Variants in KCNQ1 observed in about 807,000 individuals in gnomAD.
KCNQ1 encodes the protein potassium voltage-gated channel subfamily Q member 1, also known as potassium voltage-gated channel subfamily KQT member 1.
KCNQ1 carries 49 observed loss-of-function variants against 72.4 expected under a neutral mutation model. That is an observed-to-expected ratio of 0.68 (90% CI 0.54 to 0.86). The LOEUF is 0.86. Among genes scored for constraint, KCNQ1 ranks in the 40% least tolerant of loss-of-function variants. The probability of loss-of-function intolerance (pLI) is 0.00; values close to 1 mark genes in which losing one functional copy is unlikely to be tolerated. For synonymous variants in KCNQ1, 450 were observed against 412.6 expected (o/e 1.09, Z -1.10); for missense variants, 790 against 945.1 (o/e 0.84, Z 2.15).
At position 2,627,892 on chromosome 11, in the gene KCNQ1, A is replaced by G; in HGVS notation, c.1394-34069A>G. The G allele has an allele frequency of 2.5e-6, 1 of 398,760 alleles. No individual in the cohort carries two copies. Among genetic ancestry groups the G allele is most frequent in the Non-Finnish European group, 4.4e-6 (1 of 226,200 alleles). 24.7% of individuals were successfully genotyped at this position (398,760 alleles called of 1,614,324 possible). On this transcript the variant is annotated intron_variant, in intron 10 of 15. Transcript: ENST00000155840. This position sits in a 1 kb window ranked among gnomAD's most constrained non-coding sequence, Gnocchi z 4.9. The stretch of plus-strand genomic sequence containing the variant: ...CAGCCTCCTGAGTAGCTGGGACCAC[A>G]GTCATGCACCCCCATGCCCAGCTAA...
At chr11:2,594,548 C>T (rs978150561) in intron 10 of KCNQ1, among the ~76,000 whole-genome samples, 42 of 152,160 alleles carry the variant, frequency 2.8e-4, no homozygotes, top group Admixed American at 1.3e-4. Context: ...TTCTATTTGA[C>T]CATCTCATTG....
Position 2,536,475 on chromosome 11 carries a change from C to CTGTG in KCNQ1, c.477+8458_477+8461dup, listed in dbSNP as rs1053984334. Among the ~76,000 whole-genome samples, 89 of 152,238 alleles carry CTGTG rather than the reference C, an allele frequency of 5.8e-4. 1 individual carries two copies. The highest frequency in any genetic ancestry group is 2.1e-3 in the African/African-American group (86 of 41,562). On this transcript the variant is annotated intron_variant, in intron 2 of 15. Coordinates refer to ENST00000155840, the MANE Select transcript of KCNQ1 (RefSeq NM_000218.3). This position sits in a 1 kb window ranked among gnomAD's most constrained non-coding sequence, Gnocchi z 7.4. Reference sequence around the variant, plus strand: ...TGGCAGGGCTCAGCAGTTGCCTGGCCTGTGGGGGCAGAGGACCTGGGGAGA... The same window carrying CTGTG: ...TGGCAGGGCTCAGCAGTTGCCTGGCCTGTGTGTGGGGGCAGAGGACCTGGGGAGA...
intron 10 of KCNQ1, among the ~76,000 whole-genome samples, chr11:2,594,264 G>A (rs1042399343): frequency 3.0e-4 from 45 of 152,212 alleles, no homozygotes; most frequent in African/African-American, 1.1e-3. Context: ...TAACACTGCA[G>A]TCTCCTGGCT....
In KCNQ1 at chr11:2,481,817, G is replaced by A. The variant is rs1007591577; in HGVS notation, c.386+36333G>A. ...GGACTGTCTAGTTGCAGGAAAACAA[G>A]CTCAGGGCTCTCACTGATTCTACAT... On this transcript the variant is annotated intron_variant, in intron 1 of 15. Coordinates refer to ENST00000155840, the MANE Select transcript of KCNQ1 (RefSeq NM_000218.3). This position sits in a 1 kb window ranked among gnomAD's most constrained non-coding sequence, Gnocchi z 4.6. Among the ~76,000 whole-genome samples, 1 of 152,188 alleles carries A rather than the reference G, an allele frequency of 6.6e-6. No individual in the cohort carries two copies. The highest frequency in any genetic ancestry group is 2.1e-4 in the South Asian group (1 of 4,832).
rs1173842102 is a variant in KCNQ1 at position 2,724,358 on chromosome 11, T to C, written c.1515-44486T>C. Among the ~76,000 whole-genome samples the C allele has an allele frequency of 6.6e-6, 1 of 152,028 alleles. No homozygotes were observed. Among genetic ancestry groups the C allele is most frequent in the Non-Finnish European group, 1.5e-5 (1 of 67,998 alleles). The stretch of plus-strand genomic sequence containing the variant: ...GAGTGACAGCGTCCTCCCGCCCGGA[T>C]TGGGTTTCTGCACAGTGGAATGGAG... On this transcript the variant is annotated intron_variant, in intron 11 of 15. Transcript: ENST00000155840. This position sits in a 1 kb window ranked among gnomAD's most constrained non-coding sequence, Gnocchi z 6.8.
chr11:2,699,941 T>G (rs1850765841), intron 11 of KCNQ1: 4 of 398,112 alleles, frequency 1.0e-5, no homozygotes, highest in South Asian at 2.6e-4. Context: ...CCTGGCAGGA[T>G]CTTGCTGAGG....
In KCNQ1 at chr11:2,627,253, A is replaced by C. The variant is rs1242219127; in HGVS notation, c.1394-34708A>C. On this transcript the variant is annotated intron_variant, in intron 10 of 15. Transcript: ENST00000155840. The surrounding 1 kb of genome is among the most constrained non-coding windows in gnomAD (Gnocchi z 4.9). ...AAGAACATATTTGACCTACTGTGAAATGATTACTACAATCAAGCCAATTAA... is the reference window on the plus strand; with the variant it reads ...AAGAACATATTTGACCTACTGTGAACTGATTACTACAATCAAGCCAATTAA... The C allele has an allele frequency of 2.5e-6, 1 of 398,428 alleles. No individual in the cohort carries two copies. 24.7% of individuals were successfully genotyped at this position (398,428 alleles called of 1,614,324 possible).
chr11:2,466,364 T>C (rs1402588097), intron 1 of KCNQ1, among the ~76,000 whole-genome samples: 2 of 152,160 alleles, frequency 1.3e-5, no homozygotes, highest in Admixed American at 6.5e-5. Context: ...GTTTGTCCCC[T>C]ACTTTGCAGG....
At chr11:2,572,735 G>A in intron 5 of KCNQ1, 111 bp from the exon 6 acceptor site, 2 of 1,417,610 alleles carry the variant, frequency 1.4e-6, no homozygotes, top group Non-Finnish European at 2.0e-6. Flanking sequence ...AACCGCGCTG[G>A]AGCGGCGTAG....
chr11:2,542,368 C>G (rs540572960), intron 2 of KCNQ1, among the ~76,000 whole-genome samples: 2 of 152,248 alleles, frequency 1.3e-5, no homozygotes, highest in South Asian at 4.1e-4. Flanking sequence ...CCACCAAAGG[C>G]GCGCTAATTG....
intron 11 of KCNQ1, among the ~76,000 whole-genome samples, chr11:2,727,621 C>G (rs1316063695): frequency 6.6e-6 from 1 of 152,220 alleles, no homozygotes; most frequent in Non-Finnish European, 1.5e-5. Context: ...CCCTCCTTGC[C>G]TCCTGCCAGG....
intron 2 of KCNQ1, among the ~76,000 whole-genome samples, chr11:2,558,568 G>A (rs988923981): frequency 5.3e-5 from 8 of 152,206 alleles, no homozygotes; most frequent in African/African-American, 1.9e-4. Context: ...TGGCTGCTGC[G>A]CCCTGTGTCC....
In KCNQ1 at chr11:2,683,612, C is replaced by A; in HGVS notation, c.1514+21531C>A. ...AAATGCCAACTCATTTCAAATACTG[C>A]TCTAGACAACTGGGCCCTGCATCTG... On this transcript the variant is annotated intron_variant, in intron 11 of 15. Transcript: ENST00000155840. This position sits in a 1 kb window ranked among gnomAD's most constrained non-coding sequence, Gnocchi z 4.7. 1 of 398,646 alleles carries A rather than the reference C, an allele frequency of 2.5e-6. No individual in the cohort carries two copies. Among genetic ancestry groups the A allele is most frequent in the Non-Finnish European group, 4.4e-6 (1 of 226,080 alleles). The allele number at this position is 398,646 out of a possible 1,614,324, so 24.7% of individuals were successfully genotyped here. A position where few individuals can be genotyped will look rare whatever the true frequency, so the allele number is the denominator to read the frequency against.
rs554858773 is a variant in KCNQ1 at position 2,617,056 on chromosome 11, A to C, written c.1393+28202A>C. 2.5e-5 allele frequency: 10 copies of C among 398,246 alleles called. No individual in the cohort carries two copies. In the South Asian group the frequency reaches 1.1e-3, roughly 46 times the overall value. 24.7% of individuals were successfully genotyped at this position (398,246 alleles called of 1,614,324 possible). ...AGTGATGCAAATTAATATGTCCATC[A>C]TCTCACAGTTATTCTTTTGTGTGTA... On this transcript the variant is annotated intron_variant, in intron 10 of 15. Coordinates refer to ENST00000155840, the MANE Select transcript of KCNQ1 (RefSeq NM_000218.3). The surrounding 1 kb of genome is among the most constrained non-coding windows in gnomAD (Gnocchi z 4.6).
intron 11 of KCNQ1, among the ~76,000 whole-genome samples, chr11:2,753,632 ACT>A (rs1564882099): frequency 6.6e-6 from 1 of 151,998 alleles, no homozygotes. Context: ...CAACTTCACG[ACT>A]CTCTAACTTT....
rs769857154 is a variant in KCNQ1 at position 2,562,381 on chromosome 11, C to T, written c.478-8247C>T. ...CTGCCTGAGTGCCTGCATTGCCCTC[C>T]GGCCAGCTGACCCTCCCCGGAGCCG... On this transcript the variant is annotated intron_variant, in intron 2 of 15. Transcript: ENST00000155840. The surrounding 1 kb of genome is among the most constrained non-coding windows in gnomAD (Gnocchi z 7.5). 5.3e-5 allele frequency among the ~76,000 whole-genome samples: 8 copies of T among 152,244 alleles called. No homozygotes were observed. Among genetic ancestry groups the T allele is most frequent in the East Asian group, 3.9e-4 (2 of 5,172 alleles).
In KCNQ1 at chr11:2,559,259, T is replaced by C. The variant is rs751516691; in HGVS notation, c.478-11369T>C. 2.0e-5 allele frequency among the ~76,000 whole-genome samples: 3 copies of C among 151,970 alleles called. No individual in the cohort carries two copies. Among genetic ancestry groups the C allele is most frequent in the African/African-American group, 4.8e-5 (2 of 41,390 alleles). On this transcript the variant is annotated intron_variant, in intron 2 of 15. Coordinates refer to ENST00000155840, the MANE Select transcript of KCNQ1 (RefSeq NM_000218.3). This position sits in a 1 kb window ranked among gnomAD's most constrained non-coding sequence, Gnocchi z 4.9. The stretch of plus-strand genomic sequence containing the variant: ...GATGCATTCGACACCCAAGGCCTTA[T>C]GGAATCAGTCCTGGGGCCTGGAGGG...
At chr11:2,822,902 G>T (rs1318532140) in intron 15 of KCNQ1, among the ~76,000 whole-genome samples, 3 of 151,516 alleles carry the variant, frequency 2.0e-5, no homozygotes, top group Non-Finnish European at 4.4e-5. Context: ...AGAGTGCTTG[G>T]AAATGTCAAT....
intron 1 of KCNQ1, among the ~76,000 whole-genome samples, chr11:2,520,089 C>T (rs891406582): frequency 2.0e-5 from 3 of 152,262 alleles, no homozygotes; most frequent in African/African-American, 7.2e-5. Context: ...GCATTCCTGC[C>T]TCAGGACCAT....
Sources: allele counts gnomAD v4.1 joint callset (sites outside exome capture counted in the v4.1 genomes callset), GRCh38; gene constraint gnomAD v4.1.1; non-coding constraint Gnocchi (gnomAD v3.1); transcripts MANE v1.5; gene names NCBI Gene and HGNC (gene_info 2026-07-23, HGNC 2026-07-21).